Variants in DPYD observed in about 807,000 individuals in gnomAD.
The protein encoded by DPYD is dihydropyrimidine dehydrogenase, also known as dihydropyrimidine dehydrogenase [NADP(+)].
DPYD carries 109 observed loss-of-function variants against 116.2 expected under a neutral mutation model. That is an observed-to-expected ratio of 0.94 (90% confidence interval 0.80 to 1.10). The LOEUF (loss-of-function observed/expected upper bound fraction) is 1.10. DPYD is among the 50% of genes least tolerant of loss of function. DPYD has a pLI of 0.00. For missense variants in DPYD, 1,302 were observed against 1,254.5 expected (o/e 1.04, Z -0.57); for synonymous variants, 440 against 432.0 (o/e 1.02, Z -0.23).
intron 19 of DPYD, among the ~76,000 whole-genome samples, chr1:97,218,201 T>C (rs1024408753): frequency 1.3e-5 from 2 of 152,150 alleles, no homozygotes; most frequent in Non-Finnish European, 2.9e-5. Context: ...ACAACAGGGT[T>C]ACATTACAAT....
At chr1:97,219,965 TTG>T (rs1660674648) in intron 19 of DPYD, among the ~76,000 whole-genome samples, 1 of 152,184 alleles carries the variant, frequency 6.6e-6, no homozygotes, top group South Asian at 2.1e-4. Flanking sequence ...ATTTGCTCAC[TTG>T]TATAACTACG....
chr1:97,726,355 T>C (rs1663262147), intron 4 of DPYD, among the ~76,000 whole-genome samples: 1 of 151,604 alleles, frequency 6.6e-6, no homozygotes, highest in South Asian at 2.1e-4. Context: ...TTTCTGGTTT[T>C]GGATAATTTT....
At chr1:97,595,759 A>G (rs2102261504) in intron 8 of DPYD, among the ~76,000 whole-genome samples, 1 of 152,016 alleles carries the variant, frequency 6.6e-6, no homozygotes, top group African/African-American at 2.4e-5. Context: ...TAAGGAACAT[A>G]TTAGCTTTTC....
chr1:97,839,643 A>C lies in DPYD; in HGVS notation c.151-11447T>G, dbSNP rs568420394. Among the ~76,000 whole-genome samples, 17 of 152,266 alleles carry C rather than the reference A, an allele frequency of 1.1e-4. No homozygotes were observed. In the East Asian group the frequency reaches 3.3e-3, roughly 29 times the overall value. On this transcript the variant is annotated intron_variant, in intron 2 of 22. Transcript: ENST00000370192. ...TGGAATCATAGTTTTATTTCCCTAG[A>C]ATTTTGCTGTTAGGAATAATGCTAT...
intron 3 of DPYD, among the ~76,000 whole-genome samples, chr1:97,810,000 G>C (rs1668267722): frequency 1.3e-5 from 2 of 151,964 alleles, no homozygotes; most frequent in Non-Finnish European, 2.9e-5. Context: ...AAATAAACAA[G>C]CACCGGCCGG....
chr1:97,718,417 T>C, intron 5 of DPYD, among the ~76,000 whole-genome samples: 1 of 151,970 alleles, frequency 6.6e-6, no homozygotes, highest in Admixed American at 6.6e-5. Context: ...GAGGTATATA[T>C]CATAAGATGG....
chr1:97,531,836 G>A (rs1649647849), intron 12 of DPYD, among the ~76,000 whole-genome samples: 1 of 152,044 alleles, frequency 6.6e-6, no homozygotes, highest in South Asian at 2.1e-4. Flanking sequence ...AGTATTTCAT[G>A]TCCTTGATTC....
intron 19 of DPYD, among the ~76,000 whole-genome samples, chr1:97,199,996 T>A (rs968576125): frequency 1.1e-4 from 17 of 152,294 alleles, no homozygotes; most frequent in Middle Eastern, 3.4e-3. Context: ...AAGGAAGCTA[T>A]CAAATAAAAT....
chr1:97,520,437 T>C (rs761115485), intron 12 of DPYD, among the ~76,000 whole-genome samples: 3 of 152,158 alleles, frequency 2.0e-5, no homozygotes, highest in African/African-American at 7.2e-5. Context: ...CTACCACCTA[T>C]ACACTTTTCT....
At chr1:97,330,404 T>C (rs968027597) in intron 16 of DPYD, among the ~76,000 whole-genome samples, 1 of 152,178 alleles carries the variant, frequency 6.6e-6, no homozygotes, top group Non-Finnish European at 1.5e-5. Flanking sequence ...ATTTGCCTAG[T>C]AGTGGGCTGC....
intron 3 of DPYD, among the ~76,000 whole-genome samples, chr1:97,826,389 T>G (rs1327863623): frequency 7.0e-6 from 1 of 143,586 alleles, no homozygotes; most frequent in Non-Finnish European, 1.5e-5. Flanking sequence ...ATTCACATCA[T>G]TTTTCATTCA....
chr1:97,305,524 C>A, intron 17 of DPYD, 146 bp from the exon 18 acceptor site: 2 of 1,087,640 alleles, frequency 1.8e-6, no homozygotes. Context: ...AATTTAACTC[C>A]TACATTTATG....
intron 3 of DPYD, among the ~76,000 whole-genome samples, chr1:97,785,900 A>C (rs1666991404): frequency 6.6e-6 from 1 of 150,634 alleles, no homozygotes; most frequent in South Asian, 2.1e-4. Context: ...TCACTGTGTT[A>C]GCCAGGACGG....
At chr1:97,216,559 C>T (rs1557945578) in intron 19 of DPYD, among the ~76,000 whole-genome samples, 2 of 152,106 alleles carry the variant, frequency 1.3e-5, no homozygotes, top group East Asian at 3.9e-4. Context: ...TTTGGGAGGC[C>T]GAGGCAGGCA....
At chr1:97,636,510 G>T (rs1657570602) in intron 8 of DPYD, among the ~76,000 whole-genome samples, 1 of 151,992 alleles carries the variant, frequency 6.6e-6, no homozygotes, top group South Asian at 2.1e-4. Context: ...AATTAAGTAT[G>T]ATTTATTTAT....
intron 20 of DPYD, among the ~76,000 whole-genome samples, chr1:97,144,336 A>G (rs1023117603): frequency 1.3e-5 from 2 of 152,200 alleles, no homozygotes; most frequent in Non-Finnish European, 2.9e-5. Flanking sequence ...ACATGAAACA[A>G]ATATACTCAA....
chr1:97,920,634 C>T (rs1037703403), intron 1 of DPYD, among the ~76,000 whole-genome samples: 1 of 152,176 alleles, frequency 6.6e-6, no homozygotes, highest in Admixed American at 6.5e-5. Flanking sequence ...AAATCTCTTC[C>T]GAAGTAAACA....
chr1:97,584,050 A>G (rs1653903801), intron 10 of DPYD, among the ~76,000 whole-genome samples: 1 of 152,120 alleles, frequency 6.6e-6, no homozygotes, highest in Non-Finnish European at 1.5e-5. Flanking sequence ...AAGTGTTCCT[A>G]TTTCTCCACA....
intron 20 of DPYD, among the ~76,000 whole-genome samples, chr1:97,148,878 A>G (rs564848130): frequency 3.5e-4 from 54 of 152,340 alleles, no homozygotes; most frequent in African/African-American, 1.3e-3. Context: ...ATAGCTATTT[A>G]GATCTTAACT....
Sources: gnomAD v4.1 joint callset for allele counts (sites outside exome capture counted in the v4.1 genomes callset) on GRCh38, gnomAD v4.1.1 for gene constraint, MANE v1.5 for transcripts, NCBI Gene and HGNC (gene_info 2026-07-23, HGNC 2026-07-21) for gene names.